Variants in COL21A1 observed in about 807,000 individuals in gnomAD.
COL21A1 encodes the protein collagen type XXI alpha 1 chain.
COL21A1 carries 149 observed loss-of-function variants against 137.9 expected under a neutral mutation model. The ratio of observed to expected loss-of-function variants is 1.08; its 90% CI spans 0.95 to 1.24. The LOEUF is 1.24. Among genes scored for constraint, COL21A1 ranks in the 50% most tolerant of loss-of-function variants. The pLI is 0.00. For synonymous variants in COL21A1, 456 were observed against 391.5 expected, an observed-to-expected ratio of 1.16 and a Z score of -1.95; for missense variants, 1,167 against 1,158.4, an observed-to-expected ratio of 1.01 and a Z score of -0.11.
intron 1 of COL21A1, among the ~76,000 whole-genome samples, chr6:56,385,509 G>T (rs1340014063): frequency 1.3e-5 from 2 of 152,004 alleles, no homozygotes; most frequent in Non-Finnish European, 2.9e-5. Flanking sequence ...GTATCACTCT[G>T]ACTCTTTTTT....
chr6:56,167,048 C>A (rs1351966374), intron 6 of COL21A1, 65 bp from the exon 7 acceptor site: 5 of 1,103,072 alleles, frequency 4.5e-6, no homozygotes, highest in Non-Finnish European at 6.8e-6. Flanking sequence ...AAGAGCAACT[C>A]AGATACATAG....
rs1462264399 is a variant in COL21A1 at position 56,126,120 on chromosome 6, C to A, written c.1572G>T (p.Gly524=). ...KGDRGLPGFP[G]LHGMPGSKGE... The stretch of plus-strand genomic sequence containing the variant: ...CCTTTGATCCTGGCATGCCATGAAG[C>A]CCAGGAAAACCAGGAAGTCCACGAT... Residue 524 remains glycine (G), a synonymous_variant, in exon 13 of 30, where the codon GGG becomes GGT. Coordinates refer to ENST00000244728, the MANE Select transcript of COL21A1 (RefSeq NM_030820.4). 6 of 1,548,342 alleles carry A rather than the reference C, an allele frequency of 3.9e-6. No homozygotes were observed. The highest frequency in any genetic ancestry group is 5.2e-6 in the Non-Finnish European group (6 of 1,145,250).
intron 1 of COL21A1, among the ~76,000 whole-genome samples, chr6:56,236,763 C>T (rs1388550575): frequency 6.6e-6 from 1 of 151,982 alleles, no homozygotes; most frequent in Non-Finnish European, 1.5e-5. Flanking sequence ...CTATGGCTTG[C>T]CTCAATCTAC....
At chr6:56,176,641 G>T (rs1370105126) in intron 3 of COL21A1, among the ~76,000 whole-genome samples, 3 of 146,470 alleles carry the variant, frequency 2.0e-5, no homozygotes, top group African/African-American at 7.5e-5. Context: ...GGGAGGGGGG[G>T]AAGGAGGAAG....
chr6:56,099,636 CCT>C (rs112725235), intron 17 of COL21A1, among the ~76,000 whole-genome samples: 3,054 of 151,420 alleles, frequency 0.02, 98 homozygotes, highest in African/African-American at 0.07. Flanking sequence ...CCTTCTCTCA[CCT>C]CTCTTTGTGT....
rs1344613768 is a variant in COL21A1 at position 56,179,578 on chromosome 6, C to G, written c.640G>C (p.Glu214Gln). ...REVMKQKLCE[E>Q]SVCPTRIPVA... ...TATATTAAGGCATTTTAAGGCTTAC[C>G]TTCACAAAGTTTCTGCTTCATCACT... Residue 214 changes from glutamate (E) to glutamine (Q), a missense_variant and splice_region_variant, in exon 3 of 30, where the codon GAA (glutamate) becomes CAA (glutamine). By Grantham distance (29) the Glu-to-Gln change is conservative. Transcript: ENST00000244728. The G allele has an allele frequency of 1.2e-6, 2 of 1,602,048 alleles. No individual in the cohort carries two copies. The highest frequency in any genetic ancestry group is 2.2e-5 in the South Asian group (2 of 89,706).
chr6:56,213,653 G>A (rs989851122), intron 1 of COL21A1, among the ~76,000 whole-genome samples: 12 of 151,820 alleles, frequency 7.9e-5, no homozygotes, highest in South Asian at 4.2e-4. Flanking sequence ...TTTTCCCTCC[G>A]TAGAGCACTC....
At position 56,182,631 on chromosome 6, in the gene COL21A1, G is replaced by T. The variant is rs763120186; in HGVS notation, c.-13C>A. 6.3e-7 allele frequency: 1 copy of T among 1,577,856 alleles called. No homozygotes were observed. On this transcript the variant is annotated 5_prime_UTR_variant, in exon 2 of 30. Transcript: ENST00000244728. ...TATAGTGAGCCATGTTTCTGTTTTC[G>T]TTCTAATATTTTGGTTTTAGGATTC...
chr6:56,298,577 C>T (rs1764211549), intron 1 of COL21A1, among the ~76,000 whole-genome samples: 2 of 151,934 alleles, frequency 1.3e-5, no homozygotes, highest in African/African-American at 4.8e-5. Flanking sequence ...AAAAGGACAC[C>T]ACCCCACTCT....
chr6:56,344,006 T>C (rs1765530773), intron 1 of COL21A1, among the ~76,000 whole-genome samples: 2 of 152,196 alleles, frequency 1.3e-5, no homozygotes, highest in Admixed American at 1.3e-4. Context: ...AATATTTGAC[T>C]ATTTTGGCCA....
In COL21A1 at chr6:56,234,432, A is replaced by C. The variant is rs533432483; in HGVS notation, c.-39+12955T>G. 4.0e-4 allele frequency among the ~76,000 whole-genome samples: 61 copies of C among 151,928 alleles called. 2 individuals carry two copies. In the South Asian group the frequency reaches 0.012, roughly 31 times the overall value. On this transcript the variant is annotated intron_variant, in intron 1 of 29. Coordinates refer to ENST00000244728, the MANE Select transcript of COL21A1 (RefSeq NM_030820.4). ...CACTTCCTAAGAAATAAGTTATGAA[A>C]CTGTAACCATTTTCTTTCAATATTT...
At chr6:56,139,159 C>G (rs1774216350) in intron 12 of COL21A1, among the ~76,000 whole-genome samples, 1 of 152,230 alleles carries the variant, frequency 6.6e-6, no homozygotes, top group East Asian at 1.9e-4. Context: ...GATAAAGGAT[C>G]ACTCAAAGAT....
chr6:56,363,592 T>C (rs930288229), intron 1 of COL21A1, among the ~76,000 whole-genome samples: 2 of 152,200 alleles, frequency 1.3e-5, no homozygotes, highest in African/African-American at 2.4e-5. Flanking sequence ...CATCCAGAGA[T>C]AAGTGAAGTT....
Position 56,272,528 on chromosome 6 carries a change from A to G in COL21A1, c.-38-89872T>C, listed in dbSNP as rs529509514. The stretch of plus-strand genomic sequence containing the variant: ...GTTTAGACTTTGCAGGACTGTTACA[A>G]AGGCATAATTGGTTTTGAAATGAGA... On this transcript the variant is annotated intron_variant, in intron 1 of 28. Transcript: ENST00000370819. 2.0e-5 allele frequency among the ~76,000 whole-genome samples: 3 copies of G among 152,268 alleles called. No individual in the cohort carries two copies. In the South Asian group the frequency reaches 6.2e-4, roughly 32 times the overall value.
At chr6:56,125,743 ATAATT>A in intron 13 of COL21A1, 123 bp from the exon 14 acceptor site, 1 of 651,214 alleles carries the variant, frequency 1.5e-6, no homozygotes, top group Non-Finnish European at 2.4e-6. Flanking sequence ...TAGAAATAAA[ATAATT>A]TAAAGTTTGC....
intron 17 of COL21A1, among the ~76,000 whole-genome samples, chr6:56,087,707 C>G (rs1329713247): frequency 1.3e-5 from 2 of 152,158 alleles, no homozygotes; most frequent in African/African-American, 2.4e-5. Flanking sequence ...TTGTACAAAA[C>G]AGTACAGTTA....
intron 1 of COL21A1, among the ~76,000 whole-genome samples, chr6:56,230,455 G>A (rs1165966999): frequency 1.3e-5 from 2 of 151,406 alleles, no homozygotes; most frequent in South Asian, 2.1e-4. Flanking sequence ...TCTTAATTCC[G>A]TACAGCCTCA....
At chr6:56,303,210 T>C (rs1404782707) in intron 1 of COL21A1, among the ~76,000 whole-genome samples, 2 of 152,196 alleles carry the variant, frequency 1.3e-5, no homozygotes, top group African/African-American at 4.8e-5. Flanking sequence ...CTTGGCAATG[T>C]GGGCTCTTTT....
chr6:56,219,260 G>C (rs946272135), intron 1 of COL21A1, among the ~76,000 whole-genome samples: 38 of 149,620 alleles, frequency 2.5e-4, no homozygotes, highest in Non-Finnish European at 5.0e-4. Context: ...ACTGTTTGGT[G>C]GTCTGCTGTC....
Sources: allele counts gnomAD v4.1 joint callset (sites outside exome capture counted in the v4.1 genomes callset), GRCh38; gene constraint gnomAD v4.1.1; transcripts MANE v1.5; gene names NCBI Gene and HGNC (gene_info 2026-07-23, HGNC 2026-07-21).